The following BACH2 variants were observed in gnomAD, a reference collection of about 807,000 sequenced individuals.
BACH2 encodes transcription regulator protein BACH2.
Under a neutral mutation model 61.8 loss-of-function variants are expected in BACH2, and 5 were observed. That is an observed-to-expected ratio of 0.08 (90% confidence interval 0.04 to 0.17). The LOEUF is 0.17. BACH2 is among the 10% of genes least tolerant of loss of function. The pLI is 1.00. For synonymous variants in BACH2, 446 were observed against 440.1 expected, an observed-to-expected ratio of 1.01 and a Z score of -0.17; for missense variants, 824 against 1,091.1, an observed-to-expected ratio of 0.76 and a Z score of 3.45.
At chr6:89,982,138 A>C (rs1308657495) in intron 6 of BACH2, among the ~76,000 whole-genome samples, 1 of 152,094 alleles carries the variant, frequency 6.6e-6, no homozygotes, top group Non-Finnish European at 1.5e-5. Flanking sequence ...GCCTGGCCAA[A>C]AAGATATTTC....
chr6:90,216,981 A>G lies in BACH2; in HGVS notation c.-274-10300T>C, dbSNP rs571046949. 7.2e-5 allele frequency among the ~76,000 whole-genome samples: 11 copies of G among 152,320 alleles called. No individual in the cohort carries two copies. In the South Asian group the frequency reaches 2.3e-3, roughly 32 times the overall value. On this transcript the variant is annotated intron_variant, in intron 3 of 8. Coordinates refer to ENST00000257749, the MANE Select transcript of BACH2 (RefSeq NM_021813.4). Reference sequence around the variant, plus strand: ...GGAGGGAACATTCAAGGATATGGGTAGACTTAAAATCATGCCAACTCATAA... The same window carrying G: ...GGAGGGAACATTCAAGGATATGGGTGGACTTAAAATCATGCCAACTCATAA...
chr6:89,991,132 C>T (rs1776524868), intron 6 of BACH2, among the ~76,000 whole-genome samples: 1 of 152,202 alleles, frequency 6.6e-6, no homozygotes, highest in Non-Finnish European at 1.5e-5. Context: ...ATAAGAACTC[C>T]AACTTACTCT....
intron 4 of BACH2, among the ~76,000 whole-genome samples, chr6:90,093,772 A>T (rs1782270109): frequency 1.3e-5 from 2 of 152,188 alleles, no homozygotes; most frequent in Admixed American, 6.5e-5. Context: ...GGTGAATAAG[A>T]GTACCATGGA....
At chr6:90,229,225 G>A (rs941182498) in intron 3 of BACH2, among the ~76,000 whole-genome samples, 1 of 152,178 alleles carries the variant, frequency 6.6e-6, no homozygotes, top group Non-Finnish European at 1.5e-5. Flanking sequence ...TTGGGAGGCC[G>A]AGGCAGGCGG....
chr6:90,207,774 T>C (rs1769201030), intron 3 of BACH2, among the ~76,000 whole-genome samples: 1 of 152,342 alleles, frequency 6.6e-6, no homozygotes, highest in South Asian at 2.1e-4. Context: ...TAACCATCTT[T>C]AGTTCTTAGT....
intron 5 of BACH2, among the ~76,000 whole-genome samples, chr6:90,033,915 A>T (rs888730619): frequency 5.9e-5 from 9 of 152,178 alleles, no homozygotes; most frequent in Non-Finnish European, 5.9e-5. Flanking sequence ...GACACTAGGA[A>T]TTCTTAGTTA....
intron 3 of BACH2, among the ~76,000 whole-genome samples, chr6:90,211,876 A>G (rs1769366939): frequency 6.6e-6 from 1 of 152,176 alleles, no homozygotes; most frequent in Non-Finnish European, 1.5e-5. Context: ...ATAACGTACC[A>G]TGAGGCCAGT....
intron 6 of BACH2, among the ~76,000 whole-genome samples, chr6:89,975,624 T>C (rs932801766): frequency 2.0e-5 from 3 of 152,208 alleles, no homozygotes; most frequent in Non-Finnish European, 2.9e-5. Context: ...ATTTTTTGGT[T>C]TACAAACTAC....
chr6:90,150,938 C>G (rs1784792167), intron 4 of BACH2, among the ~76,000 whole-genome samples: 1 of 152,180 alleles, frequency 6.6e-6, no homozygotes, highest in Non-Finnish European at 1.5e-5. Context: ...ATGGCCACCA[C>G]AGTCACTGTA....
chr6:90,231,667 A>C (rs1770099739), intron 3 of BACH2, among the ~76,000 whole-genome samples: 1 of 152,128 alleles, frequency 6.6e-6, no homozygotes, highest in South Asian at 2.1e-4. Flanking sequence ...ACCAACCAAA[A>C]TGCAATTTGA....
At chr6:90,080,899 G>A (rs1582326188) in intron 5 of BACH2, 1 of 439,358 alleles carries the variant, frequency 2.3e-6, no homozygotes, top group African/African-American at 2.2e-5. Context: ...ATCTTTTTTG[G>A]GTGATAGTCC....
intron 1 of BACH2, among the ~76,000 whole-genome samples, chr6:90,281,143 G>A (rs1395389526): frequency 1.3e-5 from 2 of 152,126 alleles, no homozygotes; most frequent in Non-Finnish European, 2.9e-5. Flanking sequence ...TGATCTAAAG[G>A]GGACAGCTCT....
chr6:89,970,729 C>T (rs115682683), intron 6 of BACH2, among the ~76,000 whole-genome samples: 60 of 152,250 alleles, frequency 3.9e-4, no homozygotes, highest in African/African-American at 1.3e-3. Context: ...CAAGCACTGC[C>T]GAGCTGGCTG....
chr6:90,168,117 G>C (rs1032500585), intron 4 of BACH2, among the ~76,000 whole-genome samples: 12 of 152,164 alleles, frequency 7.9e-5, no homozygotes. Flanking sequence ...TCAGTACTTT[G>C]GGAGGCCAAG....
At chr6:90,097,172 GAGGA>G (rs1193202334) in intron 4 of BACH2, among the ~76,000 whole-genome samples, 4 of 152,252 alleles carry the variant, frequency 2.6e-5, no homozygotes, top group African/African-American at 9.6e-5. Context: ...ATGTGGAACA[GAGGA>G]GAGAGAAAGT....
rs1772683800 is a variant in BACH2, at chr6:89,932,070, G to A, written c.*338C>T. On this transcript the variant is annotated 3_prime_UTR_variant, in exon 9 of 9. Coordinates refer to ENST00000257749, the MANE Select transcript of BACH2 (RefSeq NM_021813.4). ...CATTCAGAAGAAATTCCTGAGATAGGGTTTGTGACATGGGCCACTGAGAAA... is the reference window on the plus strand; with the variant it reads ...CATTCAGAAGAAATTCCTGAGATAGAGTTTGTGACATGGGCCACTGAGAAA... The A allele has an allele frequency of 4.8e-6, 1 of 206,890 alleles. No homozygotes were observed. Among genetic ancestry groups the A allele is most frequent in the Non-Finnish European group, 9.9e-6 (1 of 100,884 alleles). 12.8% of individuals were successfully genotyped at this position (206,890 alleles called of 1,614,324 possible). A position where few individuals can be genotyped will look rare whatever the true frequency, so the allele number is the denominator to read the frequency against.
At chr6:89,939,008 T>A (rs1773210051) in intron 7 of BACH2, among the ~76,000 whole-genome samples, 2 of 152,266 alleles carry the variant, frequency 1.3e-5, no homozygotes, top group South Asian at 2.1e-4. Context: ...TACAGTGCTA[T>A]ACAAGTGTTG....
intron 5 of BACH2, among the ~76,000 whole-genome samples, chr6:90,022,241 T>C (rs1385437935): frequency 6.6e-6 from 1 of 152,216 alleles, no homozygotes; most frequent in Non-Finnish European, 1.5e-5. Context: ...TTCCAAAATA[T>C]CTGGTAATAA....
intron 4 of BACH2, among the ~76,000 whole-genome samples, chr6:90,117,836 A>T (rs1297233526): frequency 1.3e-5 from 2 of 152,148 alleles, no homozygotes; most frequent in African/African-American, 4.8e-5. Flanking sequence ...GTTTTGGATC[A>T]ATATACATTT....
Sources: allele counts gnomAD v4.1 joint callset (sites outside exome capture counted in the v4.1 genomes callset), GRCh38; gene constraint gnomAD v4.1.1; transcripts MANE v1.5; gene names NCBI Gene and HGNC (gene_info 2026-07-23, HGNC 2026-07-21).